The following CDK17 variants were observed in gnomAD, a reference collection of about 807,000 sequenced individuals.
CDK17 encodes cyclin-dependent kinase 17.
In CDK17, 24 loss-of-function variants were observed where a neutral mutation model predicts 77.6. The ratio of observed to expected loss-of-function variants is 0.31; its 90% confidence interval spans 0.22 to 0.44. CDK17 has a LOEUF of 0.44. Among genes scored for constraint, CDK17 ranks in the 20% least tolerant of loss-of-function variants. The probability of loss-of-function intolerance (pLI) is 1.00; values close to 1 mark genes in which losing one functional copy is unlikely to be tolerated. For missense variants in CDK17, 429 were observed against 622.5 expected (o/e 0.69, Z 3.31); for synonymous variants, 203 against 210.4 (o/e 0.96, Z 0.30).
At position 96,329,901 on chromosome 12, in the gene CDK17, A is replaced by G. The variant is rs564928505; in HGVS notation, c.118+4818T>C. 2.0e-5 allele frequency among the ~76,000 whole-genome samples: 3 copies of G among 152,340 alleles called. No homozygotes were observed. In the East Asian group the frequency reaches 5.8e-4, roughly 29 times the overall value. Reference sequence around the variant, plus strand: ...GGAGCTGTTAAGAATGAGAATTTGGAATATCAGGAAAACCAGGTCATTTTA... The same window carrying G: ...GGAGCTGTTAAGAATGAGAATTTGGGATATCAGGAAAACCAGGTCATTTTA... On this transcript the variant is annotated intron_variant, in intron 2 of 16. Transcript: ENST00000261211.
rs547255746 is a variant in CDK17 at position 96,341,430 on chromosome 12, C to T, written c.-29-6565G>A. Among the ~76,000 whole-genome samples, 17 of 151,954 alleles carry T rather than the reference C, an allele frequency of 1.1e-4. No homozygotes were observed. In the South Asian group the frequency reaches 3.5e-3, roughly 32 times the overall value. On this transcript the variant is annotated intron_variant, in intron 1 of 16. Coordinates refer to ENST00000261211, the MANE Select transcript of CDK17 (RefSeq NM_002595.5). ...TTCTAGCTTTTTGTAATACTTAGAT[C>T]AAATTTAAAACGGTAAAAGGGCAGT...
intron 1 of CDK17, among the ~76,000 whole-genome samples, chr12:96,354,135 A>G (rs1953359761): frequency 6.6e-6 from 1 of 152,168 alleles, no homozygotes; most frequent in Non-Finnish European, 1.5e-5. Flanking sequence ...TGGGCCAAGC[A>G]ATTTATTTTA....
At chr12:96,325,953 G>C (rs1392931411) in intron 2 of CDK17, among the ~76,000 whole-genome samples, 1 of 152,160 alleles carries the variant, frequency 6.6e-6, no homozygotes, top group Admixed American at 6.5e-5. Context: ...GTGCCCAGGA[G>C]TTTGCGGCTG....
chr12:96,354,588 T>C (rs1011181632), intron 1 of CDK17, among the ~76,000 whole-genome samples: 1 of 152,146 alleles, frequency 6.6e-6, no homozygotes, highest in African/African-American at 2.4e-5. Context: ...ATTTAATGTT[T>C]AGAGCATCCA....
intron 1 of CDK17, among the ~76,000 whole-genome samples, chr12:96,386,508 A>G (rs1405581157): frequency 6.6e-6 from 1 of 152,074 alleles, no homozygotes; most frequent in African/African-American, 2.4e-5. Flanking sequence ...TCTTTAAAAA[A>G]TTAGCCAAGC....
chr12:96,303,232 T>G (rs1379768055), intron 5 of CDK17: 1 of 152,200 alleles, frequency 6.6e-6, no homozygotes, highest in Non-Finnish European at 1.5e-5. Flanking sequence ...AAGACAGACA[T>G]GATTCCCACT....
chr12:96,287,368 C>T (rs892805986), intron 11 of CDK17, among the ~76,000 whole-genome samples: 2 of 152,070 alleles, frequency 1.3e-5, no homozygotes, highest in African/African-American at 4.8e-5. Flanking sequence ...TATGTACACA[C>T]ACAGTTTAAG....
intron 15 of CDK17, chr12:96,282,144 G>A (rs538893096): frequency 1.9e-4 from 32 of 167,304 alleles, no homozygotes; most frequent in Non-Finnish European, 2.7e-4. Context: ...TTTATGTTTC[G>A]GTTATGCTTC....
chr12:96,291,903 C>G (rs1952329302), intron 10 of CDK17, among the ~76,000 whole-genome samples: 1 of 151,792 alleles, frequency 6.6e-6, no homozygotes, highest in African/African-American at 2.4e-5. Flanking sequence ...CACTGCCATT[C>G]ATTTTGGGAT....
At chr12:96,381,817 A>G (rs976382364) in intron 1 of CDK17, among the ~76,000 whole-genome samples, 3 of 152,098 alleles carry the variant, frequency 2.0e-5, no homozygotes, top group Admixed American at 6.5e-5. Context: ...ATCAGAAAAA[A>G]TTAAAAAAAG....
intron 1 of CDK17, among the ~76,000 whole-genome samples, chr12:96,369,822 TG>T (rs56325531): frequency 0.013 from 2,026 of 152,252 alleles, 24 homozygotes; most frequent in Non-Finnish European, 0.019. Flanking sequence ...GGCTCACGCC[TG>T]TAATCCCAGC....
intron 12 of CDK17, 74 bp downstream of exon 12, chr12:96,286,590 A>G (rs1340666464): frequency 1.0e-6 from 1 of 1,004,256 alleles, no homozygotes; most frequent in Non-Finnish European, 1.5e-6. Context: ...TAAAATATGT[A>G]TTTTAGAGAT....
intron 6 of CDK17, among the ~76,000 whole-genome samples, chr12:96,299,813 A>G (rs963947447): frequency 2.6e-5 from 4 of 152,192 alleles, no homozygotes; most frequent in African/African-American, 9.7e-5. Flanking sequence ...AGCCTTCCCT[A>G]TTAACTATTG....
chr12:96,398,311 T>G (rs1317038036), intron 1 of CDK17, among the ~76,000 whole-genome samples: 3 of 152,218 alleles, frequency 2.0e-5, no homozygotes, highest in Non-Finnish European at 4.4e-5. Context: ...TATGGAAGCA[T>G]GCAGATGTTA....
intron 5 of CDK17, among the ~76,000 whole-genome samples, chr12:96,300,626 AC>A (rs1194380458): frequency 6.6e-6 from 1 of 152,154 alleles, no homozygotes; most frequent in Admixed American, 6.5e-5. Flanking sequence ...CGAACTCCTG[AC>A]CTCAAGTGAT....
chr12:96,301,857 G>A (rs1952510832), intron 5 of CDK17, among the ~76,000 whole-genome samples: 1 of 152,050 alleles, frequency 6.6e-6, no homozygotes, highest in African/African-American at 2.4e-5. Flanking sequence ...AAAGCTGAAT[G>A]GCCAAAAGTA....
intron 1 of CDK17, among the ~76,000 whole-genome samples, chr12:96,353,539 G>A (rs978300704): frequency 6.8e-6 from 1 of 147,024 alleles, no homozygotes; most frequent in African/African-American, 2.5e-5. Flanking sequence ...GAAATAAGGA[G>A]CCAGAAGTTT....
At chr12:96,367,630 T>C (rs966991437) in intron 1 of CDK17, among the ~76,000 whole-genome samples, 1 of 152,096 alleles carries the variant, frequency 6.6e-6, no homozygotes. Flanking sequence ...TCCAGTAACT[T>C]ACAGTGTTCC....
At chr12:96,317,835 T>C (rs1952754144) in intron 3 of CDK17, among the ~76,000 whole-genome samples, 1 of 150,338 alleles carries the variant, frequency 6.7e-6, no homozygotes, top group Non-Finnish European at 1.5e-5. Flanking sequence ...TACCAGCCGC[T>C]GCAAAATCAT....
Sources: gnomAD v4.1 joint callset for allele counts (sites outside exome capture counted in the v4.1 genomes callset) on GRCh38, gnomAD v4.1.1 for gene constraint, MANE v1.5 for transcripts, NCBI Gene and HGNC (gene_info 2026-07-23, HGNC 2026-07-21) for gene names.